Variants in ZNF521 observed in about 807,000 individuals in gnomAD.
The protein encoded by ZNF521 is zinc finger protein 521, also known as LYST-interacting protein 3.
In ZNF521, 14 loss-of-function variants were observed where a neutral mutation model predicts 105.5. That is an observed-to-expected ratio of 0.13 (90% CI 0.09 to 0.21). ZNF521 has a LOEUF of 0.21. ZNF521 is among the 10% of genes least tolerant of loss of function. ZNF521 has a pLI of 1.00. For missense variants in ZNF521, 1,233 were observed against 1,629.7 expected, an observed-to-expected ratio of 0.76 and a Z score of 4.19; for synonymous variants, 635 against 606.0, an observed-to-expected ratio of 1.05 and a Z score of -0.70.
chr18:25,089,618 G>A, intron 6 of ZNF521, 38 bp from the exon 7 acceptor site: 1 of 1,560,810 alleles, frequency 6.4e-7, no homozygotes, highest in Non-Finnish European at 8.8e-7. Flanking sequence ...GGGTTATTTT[G>A]TTTCCGAAAT....
At chr18:25,186,904 T>TAAAAAAAAAAAAAAAAAAAAAA (rs113619835) in intron 5 of ZNF521, among the ~76,000 whole-genome samples, 3 of 74,324 alleles carry the variant, frequency 4.0e-5, no homozygotes, top group African/African-American at 1.3e-4. Context: ...AAAGTAATGC[T>TAAAAAAAAAAAAAAAAAAAAAA]AAAAAAAAAA....
At chr18:25,338,574 A>G (rs7230145) in intron 2 of ZNF521, among the ~76,000 whole-genome samples, 70,169 of 151,386 alleles carry the variant, frequency 0.46, 16,514 homozygotes, top group Middle Eastern at 0.51. Context: ...CACCACGCCA[A>G]CTAATTTCTT....
chr18:25,344,427 G>A (rs894493983), intron 2 of ZNF521, among the ~76,000 whole-genome samples: 1 of 152,140 alleles, frequency 6.6e-6, no homozygotes, highest in African/African-American at 2.4e-5. Context: ...TTTTAAATCA[G>A]ACAAGTACGC....
At chr18:25,290,169 A>C (rs1444436673) in intron 3 of ZNF521, among the ~76,000 whole-genome samples, 2 of 152,252 alleles carry the variant, frequency 1.3e-5, no homozygotes, top group African/African-American at 4.8e-5. Flanking sequence ...AACTGCATGC[A>C]GTCTGCGGTT....
intron 5 of ZNF521, among the ~76,000 whole-genome samples, chr18:25,115,677 T>G (rs1187098742): frequency 6.6e-6 from 1 of 152,252 alleles, no homozygotes; most frequent in Admixed American, 6.5e-5. Context: ...AGTTGTGTTC[T>G]GTGTATTACA....
intron 3 of ZNF521, among the ~76,000 whole-genome samples, chr18:25,289,521 G>A (rs12955466): frequency 0.14 from 21,155 of 152,100 alleles, 1,630 homozygotes; most frequent in East Asian, 0.28. Context: ...TGAAGAGCTC[G>A]GGAAGCGCAT....
At chr18:25,156,372 T>C (rs1445489721) in intron 5 of ZNF521, among the ~76,000 whole-genome samples, 1 of 152,194 alleles carries the variant, frequency 6.6e-6, no homozygotes, top group Non-Finnish European at 1.5e-5. Context: ...TTGCATTCTG[T>C]GTGGGGGATT....
chr18:25,260,286 C>T (rs1908817508), intron 3 of ZNF521, among the ~76,000 whole-genome samples: 1 of 152,018 alleles, frequency 6.6e-6, no homozygotes, highest in Non-Finnish European at 1.5e-5. Flanking sequence ...TAAAACAATG[C>T]CTACCTCTCC....
At chr18:25,313,345 A>C (rs1288021866) in intron 3 of ZNF521, among the ~76,000 whole-genome samples, 2 of 152,174 alleles carry the variant, frequency 1.3e-5, no homozygotes, top group East Asian at 1.9e-4. Flanking sequence ...CAAAAAAAAA[A>C]ACTGCAGGAT....
At chr18:25,085,580 T>A (rs2033602663) in intron 7 of ZNF521, among the ~76,000 whole-genome samples, 1 of 151,974 alleles carries the variant, frequency 6.6e-6, no homozygotes, top group Non-Finnish European at 1.5e-5. Flanking sequence ...TATATATGTG[T>A]ACATACATAG....
intron 5 of ZNF521, among the ~76,000 whole-genome samples, chr18:25,177,910 C>A (rs2035561819): frequency 6.6e-6 from 1 of 152,144 alleles, no homozygotes; most frequent in South Asian, 2.1e-4. Context: ...TTGTTCTTGT[C>A]CTGTGACTGG....
intron 3 of ZNF521, among the ~76,000 whole-genome samples, chr18:25,304,585 C>T (rs1304230754): frequency 6.6e-6 from 1 of 152,100 alleles, no homozygotes; most frequent in East Asian, 1.9e-4. Context: ...TGAGGCGATA[C>T]CAGAATTTGA....
chr18:25,125,771 T>C lies in ZNF521; in HGVS notation c.3659-33690A>G, dbSNP rs1282273777. Among the ~76,000 whole-genome samples, 3 of 151,826 alleles carry C rather than the reference T, an allele frequency of 2.0e-5. No individual in the cohort carries two copies. In the East Asian group the frequency reaches 5.8e-4, roughly 29 times the overall value. On this transcript the variant is annotated intron_variant, in intron 5 of 7. Coordinates refer to ENST00000361524, the MANE Select transcript of ZNF521 (RefSeq NM_015461.3). ...TAAGCAGAAAGGTATGATTTGGTTG[T>C]GGTTTTGCTATTATTTCCAAGAAAT...
chr18:25,333,323 T>C (rs1389991931), intron 2 of ZNF521, among the ~76,000 whole-genome samples: 1 of 150,370 alleles, frequency 6.7e-6, no homozygotes, highest in Admixed American at 6.7e-5. Context: ...TCTATATATA[T>C]ATATATATAT....
chr18:25,112,761 A>C (rs2144306923), intron 5 of ZNF521, among the ~76,000 whole-genome samples: 1 of 152,310 alleles, frequency 6.6e-6, no homozygotes, highest in African/African-American at 2.4e-5. Flanking sequence ...GTCTAACTGC[A>C]AAACTTGGTT....
At chr18:25,297,259 T>A (rs1170108162) in intron 3 of ZNF521, among the ~76,000 whole-genome samples, 1 of 151,952 alleles carries the variant, frequency 6.6e-6, no homozygotes, top group Non-Finnish European at 1.5e-5. Context: ...CTCATGAGAA[T>A]GCTAAACAGA....
intron 3 of ZNF521, among the ~76,000 whole-genome samples, chr18:25,293,859 A>G (rs1056831791): frequency 6.6e-6 from 1 of 152,218 alleles, no homozygotes; most frequent in African/African-American, 2.4e-5. Flanking sequence ...ATCCATTTTT[A>G]AGAGACAATA....
chr18:25,267,821 G>A lies in ZNF521; in HGVS notation c.221-40124C>T, dbSNP rs192770220. ...AAGGTAGATAAATCCATGAAAATGG[G>A]GAGAAACAACACAAAAAGCCTGAAA... On this transcript the variant is annotated intron_variant, in intron 3 of 7. Coordinates refer to ENST00000361524, the MANE Select transcript of ZNF521 (RefSeq NM_015461.3). Among the ~76,000 whole-genome samples the A allele has an allele frequency of 8.2e-4, 124 of 152,146 alleles. 1 individual carries two copies. The highest frequency in any genetic ancestry group is 2.9e-3 in the African/African-American group (119 of 41,508).
At chr18:25,237,307 T>C (rs892778092) in intron 3 of ZNF521, among the ~76,000 whole-genome samples, 11 of 152,212 alleles carry the variant, frequency 7.2e-5, no homozygotes, top group African/African-American at 2.4e-4. Flanking sequence ...TCGTAGTAAT[T>C]TGACACTTAA....
Sources: allele counts gnomAD v4.1 joint callset (sites outside exome capture counted in the v4.1 genomes callset), GRCh38; gene constraint gnomAD v4.1.1; transcripts MANE v1.5; gene names NCBI Gene and HGNC (gene_info 2026-07-23, HGNC 2026-07-21).